Variants in PLXNA4 observed in about 807,000 individuals in gnomAD.
PLXNA4 encodes plexin-A4.
Under a neutral mutation model 191.8 loss-of-function variants are expected in PLXNA4, and 44 were observed. The observed-to-expected ratio is 0.23, with a 90% CI of 0.18 to 0.29. PLXNA4 has a LOEUF of 0.29. Ranked by LOEUF, PLXNA4 falls within the 10% of genes least tolerant of loss-of-function variation. The pLI, the probability that PLXNA4 is intolerant of heterozygous loss-of-function variation, is 1.00. For missense variants in PLXNA4, 1,800 were observed against 2,488.8 expected (o/e 0.72, Z 5.89); for synonymous variants, 1,082 against 1,009.5 (o/e 1.07, Z -1.36).
chr7:132,161,633 G>A (rs1024615655), intron 24 of PLXNA4, among the ~76,000 whole-genome samples: 45 of 152,226 alleles, frequency 3.0e-4, no homozygotes, highest in African/African-American at 9.9e-4. Context: ...GGCATCTAGC[G>A]CTCTAGCAGG....
chr7:132,438,497 CAG>C (rs1554440571), intron 3 of PLXNA4, among the ~76,000 whole-genome samples: 27 of 152,274 alleles, frequency 1.8e-4, no homozygotes, highest in Middle Eastern at 3.4e-3. Flanking sequence ...CCCAGTTAAA[CAG>C]GGAATGGCTA....
At chr7:132,265,222 C>A (rs1247119634) in intron 4 of PLXNA4, among the ~76,000 whole-genome samples, 1 of 152,170 alleles carries the variant, frequency 6.6e-6, no homozygotes, top group Admixed American at 6.5e-5. Context: ...GCTTTGGGGT[C>A]AGCTGGGTCC....
chr7:132,423,177 G>A (rs917643069), intron 3 of PLXNA4, among the ~76,000 whole-genome samples: 6 of 152,230 alleles, frequency 3.9e-5, no homozygotes, highest in Admixed American at 1.3e-4. Flanking sequence ...TCTGCCCTGC[G>A]GAGGCTCTGC....
intron 4 of PLXNA4, among the ~76,000 whole-genome samples, chr7:132,294,542 G>T (rs75295600): frequency 6.6e-6 from 1 of 152,158 alleles, no homozygotes; most frequent in Non-Finnish European, 1.5e-5. Context: ...GAAAGACAAA[G>T]GTGGAAACAG....
intron 28 of PLXNA4, among the ~76,000 whole-genome samples, chr7:132,145,958 T>C (rs1251421983): frequency 1.4e-5 from 2 of 143,326 alleles, no homozygotes; most frequent in Admixed American, 1.4e-4. Flanking sequence ...TGGTGGTGCA[T>C]GCTTGTAGTT....
intron 3 of PLXNA4, among the ~76,000 whole-genome samples, chr7:132,453,678 A>G (rs552204276): frequency 1.2e-4 from 18 of 152,106 alleles, no homozygotes; most frequent in Non-Finnish European, 1.9e-4. Flanking sequence ...AGTAGCTGGG[A>G]TTACAGGCAC....
At chr7:132,646,791 A>G (rs1803877930) in intron 1 of PLXNA4, among the ~76,000 whole-genome samples, 1 of 152,122 alleles carries the variant, frequency 6.6e-6, no homozygotes, top group South Asian at 2.1e-4. Flanking sequence ...ACTAGGACCC[A>G]ATTCCCAAGC....
At chr7:132,313,197 C>T (rs186054362) in intron 3 of PLXNA4, among the ~76,000 whole-genome samples, 1 of 152,264 alleles carries the variant, frequency 6.6e-6, no homozygotes, top group Non-Finnish European at 1.5e-5. Flanking sequence ...AATGGTTACA[C>T]AAAGTCTTAT....
intron 4 of PLXNA4, among the ~76,000 whole-genome samples, chr7:132,252,498 G>A (rs963221933): frequency 6.6e-6 from 1 of 151,736 alleles, no homozygotes; most frequent in Non-Finnish European, 1.5e-5. Flanking sequence ...TTTTAATAGA[G>A]ACAGGGTTTC....
intron 13 of PLXNA4, among the ~76,000 whole-genome samples, chr7:132,197,325 T>TATCAC (rs1257948773): frequency 3.3e-5 from 5 of 152,230 alleles, no homozygotes; most frequent in Admixed American, 2.6e-4. Context: ...TGATTTGAAA[T>TATCAC]ATCACCTCTA....
intron 25 of PLXNA4, among the ~76,000 whole-genome samples, chr7:132,156,144 A>G (rs1795787583): frequency 7.5e-6 from 1 of 133,846 alleles, no homozygotes; most frequent in Non-Finnish European, 1.6e-5. Context: ...ATACACACAC[A>G]CACACACACA....
At chr7:132,385,399 A>T in intron 3 of PLXNA4, 2 of 1,398,316 alleles carry the variant, frequency 1.4e-6, no homozygotes, top group Non-Finnish European at 1.9e-6. Flanking sequence ...AATATGTATT[A>T]CAGTTCTGAA....
chr7:132,188,084 C>T (rs1350107836), intron 14 of PLXNA4, among the ~76,000 whole-genome samples: 1 of 152,066 alleles, frequency 6.6e-6, no homozygotes, highest in East Asian at 1.9e-4. Flanking sequence ...TGACCTACAG[C>T]TCTGTTCTTG....
At chr7:132,347,918 G>C (rs1463661095) in intron 3 of PLXNA4, among the ~76,000 whole-genome samples, 1 of 152,182 alleles carries the variant, frequency 6.6e-6, no homozygotes, top group Admixed American at 6.5e-5. Context: ...TTTCCCTGCA[G>C]AGAGGCATGG....
chr7:132,187,945 A>T (rs571378443), intron 14 of PLXNA4, among the ~76,000 whole-genome samples: 1 of 152,242 alleles, frequency 6.6e-6, no homozygotes, highest in East Asian at 1.9e-4. Flanking sequence ...TCAATTCTTT[A>T]AAGTAGGCAT....
intron 2 of PLXNA4, among the ~76,000 whole-genome samples, chr7:132,494,156 T>A (rs972098895): frequency 6.6e-6 from 1 of 152,172 alleles, no homozygotes; most frequent in Non-Finnish European, 1.5e-5. Flanking sequence ...AGAGGTATCA[T>A]GAAAATTAAA....
Position 132,140,619 on chromosome 7 carries a change from G to A in PLXNA4, c.5418C>T (p.Ser1806=). 2 of 1,614,080 alleles carry A rather than the reference G, an allele frequency of 1.2e-6. No individual in the cohort carries two copies. The highest frequency in any genetic ancestry group is 1.7e-6 in the Non-Finnish European group (2 of 1,180,026). The change falls in exon 30 of 32, where the codon AGC becomes AGT. Residue 1806 remains serine, a synonymous_variant. Transcript: ENST00000321063. The stretch of plus-strand genomic sequence containing the variant: ...CTCACCTCTCCACCCAATTCTTGTA[G>A]CTGGGGATGTCCTTGGCATACAGCA... The part of the protein sequence containing the change: ...NKLLYAKDIP[S]YKNWVERYYS...
In PLXNA4 at chr7:132,241,096, G is replaced by A; in HGVS notation, c.1574C>T (p.Pro525Leu). 1.2e-6 allele frequency: 2 copies of A among 1,613,140 alleles called. No individual in the cohort carries two copies. The highest frequency in any genetic ancestry group is 1.7e-6 in the Non-Finnish European group (2 of 1,179,334). Residue 525 changes from proline (P) to leucine (L), a missense_variant, in exon 5 of 32, where the codon CCC becomes CTC. Coordinates refer to ENST00000321063, the MANE Select transcript of PLXNA4 (RefSeq NM_020911.2). ...GTGCAGCACACACCAGCCACAGTGG[G>A]GGTCGCCTGAGCCAAGGCACTCGCC... ...SCGECLGSGD[P>L]HCGWCVLHNT...
chr7:132,492,373 T>C lies in PLXNA4; in HGVS notation c.1189-2899A>G, dbSNP rs1797842598. Among the ~76,000 whole-genome samples the C allele has an allele frequency of 1.3e-5, 2 of 152,152 alleles. 1 individual carries two copies. The highest frequency in any genetic ancestry group is 4.1e-4 in the South Asian group (2 of 4,822). On this transcript the variant is annotated intron_variant, in intron 2 of 31. Transcript: ENST00000321063. ...AACAGCCACGTACAAAAAGAGAGTA[T>C]ACATTTGGCTGGTTACATCATTCAC... is the stretch of plus-strand genomic sequence containing the variant.
Sources: gnomAD v4.1 joint callset for allele counts (sites outside exome capture counted in the v4.1 genomes callset) on GRCh38, gnomAD v4.1.1 for gene constraint, MANE v1.5 for transcripts, NCBI Gene and HGNC (gene_info 2026-07-23, HGNC 2026-07-21) for gene names.